CGGBP1: variants seen among roughly 807,000 people sequenced by gnomAD.
CGGBP1 encodes CGG triplet repeat-binding protein 1.
A neutral mutation model predicts 11.4 loss-of-function variants in CGGBP1; 4 were observed. The observed-to-expected ratio is 0.35, with a 90% confidence interval of 0.17 to 0.80. CGGBP1 has a LOEUF of 0.80. CGGBP1 is among the 30% of genes least tolerant of loss of function. The pLI is 0.52. For synonymous variants in CGGBP1, 76 were observed against 74.1 expected (o/e 1.03, Z -0.13); for missense variants, 135 against 202.1 (o/e 0.67, Z 2.01).
At chr3:88,120,292 A>G (rs1705688965) in intron 2 of CGGBP1, among the ~76,000 whole-genome samples, 1 of 152,218 alleles carries the variant, frequency 6.6e-6, no homozygotes, top group African/African-American at 2.4e-5. Flanking sequence ...CTAATCCATT[A>G]TAAAAATATG....
At chr3:88,124,288 G>C (rs754273082) in intron 2 of CGGBP1, among the ~76,000 whole-genome samples, 1 of 152,200 alleles carries the variant, frequency 6.6e-6, no homozygotes, top group Non-Finnish European at 1.5e-5. Context: ...GACTGATAGA[G>C]CAGAGAGGTT....
chr3:88,113,000 A>T, intron 2 of CGGBP1: 1 of 692,342 alleles, frequency 1.4e-6, no homozygotes, highest in Non-Finnish European at 2.3e-6. Flanking sequence ...ACAATTTTTT[A>T]AACCAAAATA....
At chr3:88,139,478 T>C (rs770224926) in intron 2 of CGGBP1, 3 of 1,613,772 alleles carry the variant, frequency 1.9e-6, no homozygotes, top group African/African-American at 1.3e-5. Context: ...GGCAGCAAAT[T>C]GCTGCAGCTC....
chr3:88,124,750 T>G (rs1014446208), intron 2 of CGGBP1, among the ~76,000 whole-genome samples: 3 of 147,734 alleles, frequency 2.0e-5, no homozygotes, highest in Non-Finnish European at 3.0e-5. Context: ...TTGCTTGTGT[T>G]TTGATTGATG....
At chr3:88,084,651 T>G (rs1708246691) in intron 2 of CGGBP1, among the ~76,000 whole-genome samples, 1 of 152,208 alleles carries the variant, frequency 6.6e-6, no homozygotes, top group Admixed American at 6.5e-5. Flanking sequence ...TTTGGAATTG[T>G]CAAGAACTGT....
intron 2 of CGGBP1, among the ~76,000 whole-genome samples, chr3:88,107,408 ATCTT>A (rs927944686): frequency 2.6e-5 from 4 of 152,112 alleles, no homozygotes; most frequent in African/African-American, 9.7e-5. Context: ...AACAATCTAT[ATCTT>A]TCTCTGTTTA....
chr3:88,149,491 A>C (rs1290077260), intron 1 of CGGBP1, among the ~76,000 whole-genome samples: 3 of 152,266 alleles, frequency 2.0e-5, no homozygotes, highest in Admixed American at 6.5e-5. Flanking sequence ...TCTATTTTTA[A>C]CTTTTCATAC....
intron 2 of CGGBP1, among the ~76,000 whole-genome samples, chr3:88,074,365 T>C (rs1404384249): frequency 7.3e-6 from 1 of 137,670 alleles, no homozygotes; most frequent in Non-Finnish European, 1.6e-5. Context: ...TTTTTGAGAC[T>C]GAGTCTTGCT....
chr3:88,058,460 G>A (rs557537600), intron 1 of CGGBP1, among the ~76,000 whole-genome samples: 2 of 152,300 alleles, frequency 1.3e-5, no homozygotes, highest in Non-Finnish European at 2.9e-5. Flanking sequence ...TCGGGCGGGG[G>A]CGGGGGAGAG....
intron 2 of CGGBP1, among the ~76,000 whole-genome samples, chr3:88,093,759 T>C (rs987748602): frequency 2.0e-5 from 3 of 152,328 alleles, no homozygotes; most frequent in African/African-American, 7.2e-5. Context: ...AAGTTTTACT[T>C]GATTGCATTT....
intron 2 of CGGBP1, among the ~76,000 whole-genome samples, chr3:88,113,388 C>T (rs776961627): frequency 6.6e-6 from 1 of 152,212 alleles, no homozygotes; most frequent in East Asian, 1.9e-4. Context: ...TATTTCCAAG[C>T]AGTTCATAGC....
At chr3:88,109,234 A>G (rs924416809) in intron 2 of CGGBP1, among the ~76,000 whole-genome samples, 1 of 151,794 alleles carries the variant, frequency 6.6e-6, no homozygotes, top group African/African-American at 2.4e-5. Context: ...ACTGAAGAAA[A>G]TATTTTGAAG....
At chr3:88,122,971 T>C (rs1208792868) in intron 2 of CGGBP1, among the ~76,000 whole-genome samples, 20 of 149,254 alleles carry the variant, frequency 1.3e-4, no homozygotes, top group Non-Finnish European at 2.1e-4. Flanking sequence ...GGTTGCACCA[T>C]TGCACTCCTG....
intron 2 of CGGBP1, chr3:88,139,287 C>A (rs1433221792): frequency 1.3e-6 from 2 of 1,563,588 alleles, no homozygotes; most frequent in East Asian, 2.2e-5. Flanking sequence ...CAAAGTAGAT[C>A]ACAATGTCCC....
At chr3:88,070,563 GTTTTTTTTTTTTTT>G (rs67079285) in intron 2 of CGGBP1, among the ~76,000 whole-genome samples, 2 of 111,326 alleles carry the variant, frequency 1.8e-5, no homozygotes, top group Non-Finnish European at 3.5e-5. Context: ...AACACTGCCT[GTTTTTTTTTTTTTT>G]TTTTTTTTTT....
intron 2 of CGGBP1, among the ~76,000 whole-genome samples, chr3:88,099,557 A>G (rs1704278072): frequency 1.8e-5 from 1 of 55,824 alleles, no homozygotes. Flanking sequence ...GAGGCATCAC[A>G]CTACCTACTT....
chr3:88,141,058 C>T (rs1446216155), exon 2 of CGGBP1: 1 of 1,579,022 alleles, frequency 6.3e-7, no homozygotes, highest in African/African-American at 1.4e-5. Context: ...AGTAAGTCTT[C>T]TGTCTTCTTA....
At chr3:88,070,986 G>C (rs1035514706) in intron 2 of CGGBP1, among the ~76,000 whole-genome samples, 2 of 152,048 alleles carry the variant, frequency 1.3e-5, no homozygotes, top group African/African-American at 4.8e-5. Flanking sequence ...ATCAAGCTGA[G>C]GGAAAGATAT....
intron 2 of CGGBP1, chr3:88,140,032 A>G (rs1707025439): frequency 6.2e-7 from 1 of 1,613,792 alleles, no homozygotes; most frequent in East Asian, 2.2e-5. Flanking sequence ...AGCAAAGGAA[A>G]ATGCAAATTT....
Sources: gnomAD v4.1 joint callset for allele counts (sites outside exome capture counted in the v4.1 genomes callset) on GRCh38, gnomAD v4.1.1 for gene constraint, MANE v1.5 for transcripts, NCBI Gene and HGNC (gene_info 2026-07-23, HGNC 2026-07-21) for gene names.